PHACTR3: variants seen among roughly 807,000 people sequenced by gnomAD.
The protein encoded by PHACTR3 is phosphatase and actin regulator 3.
PHACTR3 carries 16 observed loss-of-function variants against 66.8 expected under a neutral mutation model. That is an observed-to-expected ratio of 0.24 (90% CI 0.16 to 0.36). The LOEUF (loss-of-function observed/expected upper bound fraction) is 0.36. PHACTR3 is among the 10% of genes least tolerant of loss of function. The pLI is 1.00. For missense variants in PHACTR3, 647 were observed against 719.9 expected (o/e 0.90, Z 1.16); for synonymous variants, 323 against 292.1 (o/e 1.11, Z -1.08).
intron 5 of PHACTR3, among the ~76,000 whole-genome samples, chr20:59,768,341 C>T (rs2040251107): frequency 6.6e-6 from 1 of 152,158 alleles, no homozygotes; most frequent in Admixed American, 6.5e-5. Context: ...CAGGGTTTGA[C>T]AGTTTTGTTA....
At chr20:59,652,360 A>T (rs1322938267) in intron 1 of PHACTR3, among the ~76,000 whole-genome samples, 1 of 152,174 alleles carries the variant, frequency 6.6e-6, no homozygotes, top group Non-Finnish European at 1.5e-5. Context: ...CCTGGGAAAC[A>T]TAACAAGACC....
At chr20:59,678,965 T>TC (rs1555811842) in intron 1 of PHACTR3, among the ~76,000 whole-genome samples, 1 of 74,504 alleles carries the variant, frequency 1.3e-5, no homozygotes, top group African/African-American at 4.9e-5. Context: ...CTGGGTGGGG[T>TC]GGGGGGGCAA....
At chr20:59,701,105 A>G (rs945478143) in intron 1 of PHACTR3, among the ~76,000 whole-genome samples, 1 of 152,038 alleles carries the variant, frequency 6.6e-6, no homozygotes, top group African/African-American at 2.4e-5. Context: ...TTTCCTTTTT[A>G]TAACAGGAAT....
Position 59,845,177 on chromosome 20 carries a change from T to C in PHACTR3, c.1588-12T>C, listed in dbSNP as rs1040482068. The C allele has an allele frequency of 7.7e-6, 12 of 1,556,660 alleles. No individual in the cohort carries two copies. The African/African-American group carries it at 1.2e-4, about 16-fold the overall frequency. On this transcript the variant is annotated splice_polypyrimidine_tract_variant and intron_variant, in intron 11 of 12. Coordinates refer to ENST00000371015, the MANE Select transcript of PHACTR3 (RefSeq NM_080672.5). ...ATATCCTGTAAAACAATGTCTTGTT[T>C]TTAAATTTCAGGCAGCAATTCGTAA...
intron 1 of PHACTR3, among the ~76,000 whole-genome samples, chr20:59,606,264 G>C (rs2033665575): frequency 6.6e-6 from 1 of 151,882 alleles, no homozygotes; most frequent in Non-Finnish European, 1.5e-5. Flanking sequence ...AAACTGCCTA[G>C]AGGACTCATT....
chr20:59,611,755 C>T (rs2033855971), intron 1 of PHACTR3, among the ~76,000 whole-genome samples: 1 of 152,234 alleles, frequency 6.6e-6, no homozygotes, highest in Admixed American at 6.5e-5. Flanking sequence ...CCCCGGCTCC[C>T]TTCCTGGCTC....
At chr20:59,712,102 T>C (rs757844277) in intron 1 of PHACTR3, among the ~76,000 whole-genome samples, 3 of 152,242 alleles carry the variant, frequency 2.0e-5, no homozygotes, top group Non-Finnish European at 2.9e-5. Flanking sequence ...TCTTTTGTTC[T>C]TGATTGGTTC....
At chr20:59,789,456 A>C (rs923499691) in intron 7 of PHACTR3, among the ~76,000 whole-genome samples, 1 of 131,634 alleles carries the variant, frequency 7.6e-6, no homozygotes, top group African/African-American at 3.0e-5. Flanking sequence ...AAACAGAATG[A>C]AGAGATCTTG....
At chr20:59,793,218 G>A (rs2041156526) in intron 7 of PHACTR3, among the ~76,000 whole-genome samples, 1 of 152,130 alleles carries the variant, frequency 6.6e-6, no homozygotes, top group African/African-American at 2.4e-5. Context: ...GTCAGGTAGT[G>A]TTGTGCCTCC....
At chr20:59,725,892 G>A (rs2038544043) in intron 1 of PHACTR3, among the ~76,000 whole-genome samples, 1 of 152,200 alleles carries the variant, frequency 6.6e-6, no homozygotes, top group African/African-American at 2.4e-5. Context: ...AAAAGCACAT[G>A]GGAGCTGGGA....
chr20:59,756,751 C>T (rs1376820946), intron 4 of PHACTR3, among the ~76,000 whole-genome samples: 2 of 152,008 alleles, frequency 1.3e-5, no homozygotes, highest in Non-Finnish European at 2.9e-5. Context: ...TATACATGTG[C>T]CACGTTGGTG....
chr20:59,656,042 G>A (rs1302377736), intron 1 of PHACTR3, among the ~76,000 whole-genome samples: 1 of 151,752 alleles, frequency 6.6e-6, no homozygotes, highest in Non-Finnish European at 1.5e-5. Context: ...TGAATTTATT[G>A]TGGTTTGTTT....
At chr20:59,748,618 A>G (rs1346567125) in intron 3 of PHACTR3, among the ~76,000 whole-genome samples, 1 of 152,142 alleles carries the variant, frequency 6.6e-6, no homozygotes, top group African/African-American at 2.4e-5. Flanking sequence ...CAGGACTTAG[A>G]TGCTGACACT....
chr20:59,603,144 C>T (rs2033529170), upstream of PHACTR3, among the ~76,000 whole-genome samples: 2 of 152,190 alleles, frequency 1.3e-5, no homozygotes, highest in African/African-American at 4.8e-5. Flanking sequence ...CACCAGTTTC[C>T]TCTTTGTTTC....
chr20:59,785,587 GGGA>G (rs2040876107), intron 7 of PHACTR3, among the ~76,000 whole-genome samples: 1 of 152,160 alleles, frequency 6.6e-6, no homozygotes, highest in African/African-American at 2.4e-5. Context: ...GGGAGGAAGC[GGGA>G]GATGATTCGC....
chr20:59,706,406 T>C (rs1218919882), intron 1 of PHACTR3, among the ~76,000 whole-genome samples: 1 of 152,214 alleles, frequency 6.6e-6, no homozygotes, highest in Admixed American at 6.5e-5. Context: ...GTCTCTCTGA[T>C]TCAATGTGGC....
chr20:59,696,487 C>T (rs562857247), intron 1 of PHACTR3, among the ~76,000 whole-genome samples: 1 of 152,148 alleles, frequency 6.6e-6, no homozygotes, highest in African/African-American at 2.4e-5. Flanking sequence ...CCTGTGTCAT[C>T]CCTGAGTGTC....
At chr20:59,669,550 T>C (rs1381876521) in intron 1 of PHACTR3, among the ~76,000 whole-genome samples, 1 of 152,198 alleles carries the variant, frequency 6.6e-6, no homozygotes, top group African/African-American at 2.4e-5. Flanking sequence ...AGCAGTGTTT[T>C]GCAACCATCA....
At chr20:59,641,133 A>G (rs1426389940) in intron 1 of PHACTR3, among the ~76,000 whole-genome samples, 1 of 152,046 alleles carries the variant, frequency 6.6e-6, no homozygotes, top group African/African-American at 2.4e-5. Context: ...CTATTCATCT[A>G]TTTATCTATC....
Sources: gnomAD v4.1 joint callset for allele counts (sites outside exome capture counted in the v4.1 genomes callset) on GRCh38, gnomAD v4.1.1 for gene constraint, MANE v1.5 for transcripts, NCBI Gene and HGNC (gene_info 2026-07-23, HGNC 2026-07-21) for gene names.